TIAM1: variants seen among roughly 807,000 people sequenced by gnomAD.
TIAM1 encodes TIAM Rac1 associated GEF 1.
TIAM1 carries 65 observed loss-of-function variants against 163.5 expected under a neutral mutation model. The ratio of observed to expected loss-of-function variants is 0.40; its 90% CI spans 0.33 to 0.49. TIAM1 has a LOEUF of 0.49. Among genes scored for constraint, TIAM1 ranks in the 20% least tolerant of loss-of-function variants. The pLI, the probability that TIAM1 is intolerant of heterozygous loss-of-function variation, is 0.77. For missense variants in TIAM1, 1,789 were observed against 2,044.7 expected (o/e 0.87, Z 2.41); for synonymous variants, 833 against 810.1 (o/e 1.03, Z -0.48).
intron 2 of TIAM1, among the ~76,000 whole-genome samples, chr21:31,284,688 T>A (rs1356994762): frequency 6.6e-6 from 1 of 151,910 alleles, no homozygotes; most frequent in African/African-American, 2.4e-5. Flanking sequence ...CCGGCTAATT[T>A]TTTTTTGTAT....
intron 1 of TIAM1, among the ~76,000 whole-genome samples, chr21:31,546,841 T>G (rs2048513383): frequency 6.6e-6 from 1 of 152,192 alleles, no homozygotes; most frequent in African/African-American, 2.4e-5. Flanking sequence ...ATTAAAGTTC[T>G]CTAGCAACCA....
At chr21:31,261,658 A>C (rs2072482756) in intron 4 of TIAM1, among the ~76,000 whole-genome samples, 1 of 152,162 alleles carries the variant, frequency 6.6e-6, no homozygotes, top group Non-Finnish European at 1.5e-5. Flanking sequence ...GGTTGCAGTG[A>C]GCTGAGACCG....
At chr21:31,335,636 C>T (rs1028474659) in intron 2 of TIAM1, among the ~76,000 whole-genome samples, 3 of 149,304 alleles carry the variant, frequency 2.0e-5, no homozygotes, top group African/African-American at 7.5e-5. Context: ...ACCTGGGAGG[C>T]GGAGGTTGCA....
intron 2 of TIAM1, among the ~76,000 whole-genome samples, chr21:31,442,068 TAA>T (rs2044441547): frequency 1.1e-5 from 1 of 87,408 alleles, no homozygotes; most frequent in Non-Finnish European, 2.3e-5. Flanking sequence ...AACAAATAAA[TAA>T]ATATATATAT....
chr21:31,480,242 T>A (rs1338697767), intron 1 of TIAM1, among the ~76,000 whole-genome samples: 1 of 152,238 alleles, frequency 6.6e-6, no homozygotes, highest in Non-Finnish European at 1.5e-5. Flanking sequence ...CCACTTTCCC[T>A]TACATTGTGA....
intron 1 of TIAM1, among the ~76,000 whole-genome samples, chr21:31,503,629 A>G: frequency 7.8e-6 from 1 of 128,158 alleles, no homozygotes; most frequent in Non-Finnish European, 1.7e-5. Context: ...TGAAATCAGC[A>G]CTCCAAAATA....
intron 2 of TIAM1, among the ~76,000 whole-genome samples, chr21:31,412,200 C>T (rs2077370373): frequency 6.6e-6 from 1 of 152,144 alleles, no homozygotes; most frequent in South Asian, 2.1e-4. Context: ...TGCAAGTGCT[C>T]ACTTCTAAGT....
At chr21:31,488,236 T>G (rs2046343036) in intron 1 of TIAM1, among the ~76,000 whole-genome samples, 1 of 152,068 alleles carries the variant, frequency 6.6e-6, no homozygotes, top group Admixed American at 6.5e-5. Flanking sequence ...CCAGGGAGCT[T>G]TACAATTGGT....
At chr21:31,529,066 C>T (rs1382919960) in intron 1 of TIAM1, among the ~76,000 whole-genome samples, 16 of 151,254 alleles carry the variant, frequency 1.1e-4, no homozygotes, top group Admixed American at 5.9e-4. Flanking sequence ...GGACTACAGG[C>T]GCCCACCATG....
At chr21:31,350,893 G>T (rs141624768) in intron 2 of TIAM1, among the ~76,000 whole-genome samples, 121 of 152,334 alleles carry the variant, frequency 7.9e-4, no homozygotes, top group African/African-American at 2.7e-3. Context: ...CTATAGACCT[G>T]CTTGTAACAC....
At chr21:31,178,653 T>C (rs2084878854) in intron 15 of TIAM1, among the ~76,000 whole-genome samples, 1 of 152,054 alleles carries the variant, frequency 6.6e-6, no homozygotes. Context: ...TTAGAAACTT[T>C]ACCAAAAACA....
chr21:31,121,138 C>A (rs1250174584), intron 27 of TIAM1, among the ~76,000 whole-genome samples: 1 of 152,248 alleles, frequency 6.6e-6, no homozygotes, highest in Admixed American at 6.5e-5. Flanking sequence ...AAATAATCTA[C>A]TGTTCTAGCC....
chr21:31,130,838 TA>T, intron 24 of TIAM1, 51 bp downstream of exon 24: 1 of 1,534,750 alleles, frequency 6.5e-7, no homozygotes. Context: ...GCATAACTGA[TA>T]AGCAGATAGA....
intron 23 of TIAM1, among the ~76,000 whole-genome samples, chr21:31,133,634 C>T (rs1601212959): frequency 6.6e-6 from 1 of 152,382 alleles, no homozygotes; most frequent in East Asian, 1.9e-4. Context: ...TCAGGCCAGA[C>T]CCAGGCCTGC....
At chr21:31,529,899 C>T (rs1460845339) in intron 1 of TIAM1, among the ~76,000 whole-genome samples, 1 of 152,190 alleles carries the variant, frequency 6.6e-6, no homozygotes, top group African/African-American at 2.4e-5. Context: ...CAGTTTCTGT[C>T]ATCTCCGCGG....
At chr21:31,472,303 G>A (rs1453279687) in intron 1 of TIAM1, among the ~76,000 whole-genome samples, 2 of 152,114 alleles carry the variant, frequency 1.3e-5, no homozygotes, top group Non-Finnish European at 2.9e-5. Flanking sequence ...GAGGCGGGCA[G>A]ATCACTTGAA....
Position 31,120,705 on chromosome 21 carries a change from G to C in TIAM1, c.4439C>G (p.Thr1480Ser). 1 of 1,614,006 alleles carries C rather than the reference G, an allele frequency of 6.2e-7. No individual in the cohort carries two copies. The highest frequency in any genetic ancestry group is 1.7e-5 in the Admixed American group (1 of 60,010). Residue 1480 changes from threonine (T) to serine (S), a missense_variant, in exon 28 of 28, where the codon ACT becomes AGT. By Grantham distance (58) the Thr-to-Ser change is moderately conservative. This residue lies in a region of TIAM1 where 415 missense variants were observed against 439.2 expected (regional missense o/e 0.94). Coordinates refer to ENST00000541036, the MANE Select transcript of TIAM1 (RefSeq NM_001353694.2). This position sits in a 1 kb window ranked among gnomAD's most constrained non-coding sequence, Gnocchi z 4.2. ...ESQQPPGGGD[T>S]DRWVEEQFDL... is the part of the protein sequence containing the mutation. ...AAACTGCTCCTCTACCCATCGGTCA[G>C]TGTCCCCACCACCGGGGGGCTGCTG...
intron 1 of TIAM1, among the ~76,000 whole-genome samples, chr21:31,495,625 G>T (rs748376487): frequency 4.6e-5 from 7 of 152,190 alleles, no homozygotes; most frequent in Non-Finnish European, 8.8e-5. Flanking sequence ...TGCACTGCAC[G>T]ATGACATTTC....
chr21:31,148,772 C>T (rs556181190), intron 19 of TIAM1, among the ~76,000 whole-genome samples: 1 of 152,252 alleles, frequency 6.6e-6, no homozygotes, highest in South Asian at 2.1e-4. Context: ...ACAAAGACTC[C>T]ACTTCCCCAA....
Sources: allele counts gnomAD v4.1 joint callset (sites outside exome capture counted in the v4.1 genomes callset), GRCh38; gene constraint gnomAD v4.1.1; regional missense constraint gnomAD v4.1.1; non-coding constraint Gnocchi (gnomAD v3.1); transcripts MANE v1.5; gene names NCBI Gene and HGNC (gene_info 2026-07-23, HGNC 2026-07-21).